Variants in ARMC9 observed in about 807,000 individuals in gnomAD.
ARMC9 encodes the protein lisH domain-containing protein ARMC9.
Under a neutral mutation model 107.0 loss-of-function variants are expected in ARMC9, and 94 were observed. That is an observed-to-expected ratio of 0.88 (90% CI 0.74 to 1.04). ARMC9 has a LOEUF of 1.04. Ranked by LOEUF, ARMC9 falls within the 50% of genes least tolerant of loss-of-function variation. The pLI, the probability that ARMC9 is intolerant of heterozygous loss-of-function variation, is 0.00. For missense variants in ARMC9, 942 were observed against 1,030.1 expected (o/e 0.91, Z 1.17); for synonymous variants, 380 against 396.9 (o/e 0.96, Z 0.51).
chr2:231,256,371 A>G, intron 9 of ARMC9: 6 of 1,356,794 alleles, frequency 4.4e-6, no homozygotes, highest in Non-Finnish European at 6.2e-6. Flanking sequence ...ATGGTCTGTC[A>G]CAGTCTGCTC....
intron 11 of ARMC9, among the ~76,000 whole-genome samples, chr2:231,260,441 C>T (rs755560554): frequency 5.3e-5 from 8 of 152,292 alleles, no homozygotes; most frequent in Middle Eastern, 3.4e-3. Flanking sequence ...GCATCAGACA[C>T]CTTCATGGAC....
intron 9 of ARMC9, among the ~76,000 whole-genome samples, chr2:231,252,885 C>T (rs960148320): frequency 3.3e-5 from 5 of 151,816 alleles, no homozygotes; most frequent in African/African-American, 1.2e-4. Flanking sequence ...AGTGATCCTC[C>T]TGCCTCAGCC....
chr2:231,352,379 G>A (rs916094126), intron 21 of ARMC9, among the ~76,000 whole-genome samples: 3 of 151,142 alleles, frequency 2.0e-5, no homozygotes, highest in Non-Finnish European at 4.4e-5. Flanking sequence ...TGCAACCTCG[G>A]TCTCCTGGGT....
chr2:231,206,978 C>T (rs181698162), intron 2 of ARMC9, among the ~76,000 whole-genome samples: 45 of 152,246 alleles, frequency 3.0e-4, no homozygotes, highest in Admixed American at 9.2e-4. Context: ...GGTGTGATGG[C>T]GAATATATTC....
chr2:231,235,488 G>T, intron 8 of ARMC9, 107 bp downstream of exon 8: 1 of 1,306,448 alleles, frequency 7.7e-7, no homozygotes, highest in Non-Finnish European at 1.0e-6. Context: ...TCCATTCCAA[G>T]CCAGTGGCGC....
chr2:231,239,135 G>T (rs535963873), intron 8 of ARMC9, among the ~76,000 whole-genome samples: 1 of 152,174 alleles, frequency 6.6e-6, no homozygotes, highest in South Asian at 2.1e-4. Context: ...GTCATTATCC[G>T]CAGGGATTGG....
chr2:231,362,835 A>C lies in ARMC9; in HGVS notation c.2261+1952A>C, dbSNP rs1239868717. On this transcript the variant is annotated intron_variant, in intron 23 of 24. Transcript: ENST00000611582. The surrounding 1 kb of genome is among the most constrained non-coding windows in gnomAD (Gnocchi z 4.7). ...CTCTTGTCAGGCTGACTTCAGCCCC[A>C]ATTCAGGTCTCACTGAAGCATCCCT... The C allele has an allele frequency of 1.9e-5, 3 of 154,084 alleles. No homozygotes were observed. Among genetic ancestry groups the C allele is most frequent in the Non-Finnish European group, 4.4e-5 (3 of 68,162 alleles). 9.5% of individuals were successfully genotyped at this position (154,084 alleles called of 1,614,324 possible).
At chr2:231,345,797 C>T (rs1333769636) in intron 21 of ARMC9, among the ~76,000 whole-genome samples, 3 of 152,164 alleles carry the variant, frequency 2.0e-5, no homozygotes, top group Admixed American at 6.5e-5. Flanking sequence ...AAATAATGGC[C>T]GTGTAATTTT....
At chr2:231,247,180 C>T (rs946852160) in intron 9 of ARMC9, among the ~76,000 whole-genome samples, 1 of 152,208 alleles carries the variant, frequency 6.6e-6, no homozygotes, top group African/African-American at 2.4e-5. Flanking sequence ...TGGTCTCGAT[C>T]TCTTGACCTC....
rs1366623589 is a variant in ARMC9, at chr2:231,271,001, T to A, written c.1139T>A (p.Leu380Gln). 1 of 1,614,206 alleles carries A rather than the reference T, an allele frequency of 6.2e-7. No homozygotes were observed. The highest frequency in any genetic ancestry group is 8.5e-7 in the Non-Finnish European group (1 of 1,180,034). ...SHNQRSVLQL[L>Q]HSTSDVVRQY... ...CCCCAGAGGAGTGTGCTTCAGTTGC[T>A]GCACTCCACGAGCGACGTGGTGCGG... is the stretch of plus-strand genomic sequence containing the variant. The change falls in exon 13 of 25, where the codon CTG (leucine) becomes CAG (glutamine). Residue 380 changes from leucine to glutamine, a missense_variant. Coordinates refer to ENST00000611582, the MANE Select transcript of ARMC9 (RefSeq NM_001352754.2).
intron 20 of ARMC9, among the ~76,000 whole-genome samples, chr2:231,343,582 A>G (rs1380190334): frequency 2.0e-5 from 3 of 152,146 alleles, no homozygotes; most frequent in Non-Finnish European, 4.4e-5. Flanking sequence ...TCATCCACAG[A>G]CTTTATTCAC....
In ARMC9 at chr2:231,371,907, C is replaced by T. The variant is rs767030721; in HGVS notation, c.*372C>T. The T allele has an allele frequency of 2.2e-5, 5 of 224,990 alleles. No homozygotes were observed. The highest frequency in any genetic ancestry group is 1.2e-4 in the Admixed American group (2 of 17,368). The allele number at this position is 224,990 out of a possible 1,614,324, so 13.9% of individuals were successfully genotyped here. ...CCTGGCCCTCCAGGCCCCAACAGGG[C>T]GACAGTGTAGGGCCAGCCTGGAGCA... On this transcript the variant is annotated 3_prime_UTR_variant, in exon 25 of 25. Coordinates refer to ENST00000611582, the MANE Select transcript of ARMC9 (RefSeq NM_001352754.2).
intron 19 of ARMC9, among the ~76,000 whole-genome samples, chr2:231,321,734 AT>A (rs1346957204): frequency 1.3e-5 from 2 of 151,910 alleles, no homozygotes; most frequent in Non-Finnish European, 2.9e-5. Flanking sequence ...AGGGGCCCTG[AT>A]TTCGGTTACC....
intron 23 of ARMC9, among the ~76,000 whole-genome samples, chr2:231,367,125 C>T (rs1204393933): frequency 6.6e-6 from 1 of 152,056 alleles, no homozygotes; most frequent in Non-Finnish European, 1.5e-5. Context: ...GCTGGGATTA[C>T]AGGCGTGAGC....
chr2:231,217,511 A>C (rs555993499), intron 5 of ARMC9, among the ~76,000 whole-genome samples: 200 of 151,810 alleles, frequency 1.3e-3, no homozygotes, highest in African/African-American at 4.4e-3. Context: ...TGAAGGTTGC[A>C]GTGAACCAGG....
rs2039279301 is a variant in ARMC9, at chr2:231,271,001, T to TG, written c.1140dup (p.His381AlafsTer83). The TG allele has an allele frequency of 6.2e-7, 1 of 1,614,206 alleles. No homozygotes were observed. On this transcript the variant is annotated frameshift_variant, in exon 13 of 25. Coordinates refer to ENST00000611582, the MANE Select transcript of ARMC9 (RefSeq NM_001352754.2). LOFTEE classifies it high-confidence loss of function. ...CCCCAGAGGAGTGTGCTTCAGTTGC[T>TG]GCACTCCACGAGCGACGTGGTGCGG... is the stretch of plus-strand genomic sequence containing the variant.
At chr2:231,354,521 A>G (rs1188601190) in intron 21 of ARMC9, among the ~76,000 whole-genome samples, 1 of 151,686 alleles carries the variant, frequency 6.6e-6, no homozygotes, top group Non-Finnish European at 1.5e-5. Context: ...AGCTGGGACT[A>G]CAGGCATACA....
chr2:231,257,083 G>A (rs566990211), intron 10 of ARMC9, among the ~76,000 whole-genome samples: 11 of 152,320 alleles, frequency 7.2e-5, no homozygotes, highest in Admixed American at 5.2e-4. Context: ...CCAGAGTGCT[G>A]GGAATATAGG....
chr2:231,342,664 G>A (rs2044587536), intron 20 of ARMC9, among the ~76,000 whole-genome samples: 2 of 152,218 alleles, frequency 1.3e-5, no homozygotes, highest in African/African-American at 2.4e-5. Context: ...CTGGATCGGG[G>A]AAGTGGGGTG....
Sources: gnomAD v4.1 joint callset for allele counts (sites outside exome capture counted in the v4.1 genomes callset) on GRCh38, gnomAD v4.1.1 for gene constraint, Gnocchi (gnomAD v3.1) non-coding constraint, MANE v1.5 for transcripts, NCBI Gene and HGNC (gene_info 2026-07-23, HGNC 2026-07-21) for gene names.